The following CSPG4 variants were observed in gnomAD, a reference collection of about 807,000 sequenced individuals.
The protein encoded by CSPG4 is chondroitin sulfate proteoglycan 4 (melanoma-associated).
In CSPG4, 74 loss-of-function variants were observed where a neutral mutation model predicts 139.3. The observed-to-expected ratio is 0.53, with a 90% CI of 0.44 to 0.64. The LOEUF (loss-of-function observed/expected upper bound fraction) is 0.64, where lower values mean the gene tolerates loss of function less well. CSPG4 is among the 30% of genes least tolerant of loss of function. CSPG4 has a pLI of 0.00. For missense variants in CSPG4, 2,565 were observed against 3,148.3 expected (o/e 0.81, Z 4.43); for synonymous variants, 1,234 against 1,394.2 (o/e 0.89, Z 2.56).
chr15:75,684,713 G>T (rs532754801), intron 5 of CSPG4, 23 bp downstream of exon 5: 1 of 1,600,656 alleles, frequency 6.2e-7, no homozygotes, highest in East Asian at 2.2e-5. Flanking sequence ...CAGACATGGG[G>T]GTGTTCCCAG....
At chr15:75,695,406 G>A (rs778893220) in intron 1 of CSPG4, among the ~76,000 whole-genome samples, 4 of 152,178 alleles carry the variant, frequency 2.6e-5, no homozygotes, top group African/African-American at 4.8e-5. Flanking sequence ...GGGTCTGAAT[G>A]GGTCCATTGA....
chr15:75,703,682 A>G (rs1182018220), intron 1 of CSPG4, among the ~76,000 whole-genome samples: 1 of 144,460 alleles, frequency 6.9e-6, no homozygotes, highest in African/African-American at 2.6e-5. Flanking sequence ...CTGGCTTGTT[A>G]TGGAGTGAGT....
intron 9 of CSPG4, 71 bp from the exon 10 acceptor site, chr15:75,677,455 G>A (rs751160348): frequency 1.1e-4 from 147 of 1,376,812 alleles, no homozygotes; most frequent in Non-Finnish European, 1.4e-4. Flanking sequence ...AGCTGGGGGT[G>A]CCTCAGGGCA....
chr15:75,675,918 T>C lies in CSPG4; in HGVS notation c.6601A>G (p.Met2201Val), dbSNP rs1427946389. 2 of 1,601,106 alleles carry C rather than the reference T, an allele frequency of 1.2e-6. No individual in the cohort carries two copies. The highest frequency in any genetic ancestry group is 1.7e-4 in the Middle Eastern group (1 of 6,056). Residue 2201 changes from methionine (M) to valine (V), a missense_variant, in exon 10 of 10, where the codon ATG becomes GTG. Around this residue, in one of 5 missense-constraint regions of CSPG4, gnomAD observed 2,316 missense variants for 2,818.2 expected, o/e 0.82. Transcript: ENST00000308508. Reference protein sequence around the residue: ...SSTPTGEPGPMASSPEPAVAK... With the variant: ...SSTPTGEPGPVASSPEPAVAK... Reference sequence around the variant, plus strand: ...ACAGCGGGCTCAGGGCTGGATGCCATGGGGCCTGGCTCGCCTGTGGGGGTG... The same window carrying C: ...ACAGCGGGCTCAGGGCTGGATGCCACGGGGCCTGGCTCGCCTGTGGGGGTG...
At chr15:75,704,826 G>A (rs999664395) in intron 1 of CSPG4, among the ~76,000 whole-genome samples, 23 of 152,188 alleles carry the variant, frequency 1.5e-4, no homozygotes, top group African/African-American at 5.1e-4. Context: ...TCTGCTCCTC[G>A]TGATGCAGCC....
At chr15:75,681,265 A>G (rs1487380941) in intron 8 of CSPG4, among the ~76,000 whole-genome samples, 1 of 152,158 alleles carries the variant, frequency 6.6e-6, no homozygotes, top group African/African-American at 2.4e-5. Flanking sequence ...AATCTGAGCC[A>G]CTTGCTGGGC....
intron 8 of CSPG4, among the ~76,000 whole-genome samples, chr15:75,680,906 C>G (rs1442550346): frequency 6.6e-6 from 1 of 152,184 alleles, no homozygotes; most frequent in Non-Finnish European, 1.5e-5. Context: ...TCCCTGCTTT[C>G]CTGGGTGGCA....
At chr15:75,703,547 G>A (rs577591033) in intron 1 of CSPG4, among the ~76,000 whole-genome samples, 27 of 152,294 alleles carry the variant, frequency 1.8e-4, no homozygotes, top group South Asian at 6.2e-4. Flanking sequence ...CAGTCTCCAC[G>A]GGGAAGGCCC....
Position 75,690,477 on chromosome 15 carries a change from A to G in CSPG4, c.588T>C (p.Phe196=). 6.2e-7 allele frequency: 1 copy of G among 1,607,862 alleles called. No individual in the cohort carries two copies. The highest frequency in any genetic ancestry group is 8.5e-7 in the Non-Finnish European group (1 of 1,177,638). ...PDVHEGCAEE[F]SASDDVALGF... Reference sequence around the variant, plus strand: ...CCAGGGCCACATCATCACTGGCAGAAAACTCTTCAGCACAGCCCTCATGCA... The same window carrying G: ...CCAGGGCCACATCATCACTGGCAGAGAACTCTTCAGCACAGCCCTCATGCA... Residue 196 remains phenylalanine, a synonymous_variant, in exon 3 of 10, where the codon TTT becomes TTC. Transcript: ENST00000308508.
At chr15:75,710,688 C>T (rs935078801) in intron 1 of CSPG4, among the ~76,000 whole-genome samples, 5 of 152,060 alleles carry the variant, frequency 3.3e-5, no homozygotes, top group African/African-American at 7.2e-5. Flanking sequence ...TACGGGAGGA[C>T]GAGGGCCTTT....
At chr15:75,707,918 T>A (rs1473995971) in intron 1 of CSPG4, among the ~76,000 whole-genome samples, 1 of 151,996 alleles carries the variant, frequency 6.6e-6, no homozygotes. Flanking sequence ...CCCGGGGAGC[T>A]GCTGGTCCTG....
intron 1 of CSPG4, among the ~76,000 whole-genome samples, chr15:75,700,995 C>T (rs1035132767): frequency 1.2e-4 from 18 of 152,302 alleles, no homozygotes; most frequent in Admixed American, 1.0e-3. Flanking sequence ...CCCCAGCACA[C>T]ACACAGGGCT....
In CSPG4 at chr15:75,682,963, C is replaced by A; in HGVS notation, c.4528G>T (p.Val1510Phe). Residue 1510 changes from valine to phenylalanine, a missense_variant, in exon 6 of 10, where the codon GTC (valine) becomes TTC (phenylalanine). Transcript: ENST00000308508. ...TTGCTGGGCTGCTCGATGGTGTAGA[C>A]CAGATCCTCAGACCCAGAGTCGCCG... ...TDGDSGSEDL[V>F]YTIEQPSNGR... 6.2e-7 allele frequency: 1 copy of A among 1,611,588 alleles called. No homozygotes were observed. Among genetic ancestry groups the A allele is most frequent in the Non-Finnish European group, 8.5e-7 (1 of 1,179,696 alleles).
chr15:75,699,453 G>A (rs1051681325), intron 1 of CSPG4, among the ~76,000 whole-genome samples: 1 of 152,246 alleles, frequency 6.6e-6, no homozygotes, highest in Non-Finnish European at 1.5e-5. Flanking sequence ...CTAACCAAGC[G>A]CTTTGAGTCA....
upstream of CSPG4, chr15:75,712,891 GC>G: frequency 1.5e-6 from 1 of 669,964 alleles, no homozygotes. Flanking sequence ...CGGGGGCGGG[GC>G]AGGCGCAGAC....
intron 1 of CSPG4, among the ~76,000 whole-genome samples, chr15:75,706,906 T>C (rs1894380935): frequency 6.6e-6 from 1 of 152,060 alleles, no homozygotes; most frequent in Non-Finnish European, 1.5e-5. Context: ...CCAAAATTTT[T>C]TGAGTGCCAA....
chr15:75,697,070 G>GT (rs1437413316), intron 1 of CSPG4, among the ~76,000 whole-genome samples: 1 of 152,222 alleles, frequency 6.6e-6, no homozygotes, highest in Non-Finnish European at 1.5e-5. Context: ...CCCGGCCAGG[G>GT]CCCCACCTTC....
chr15:75,685,090 T>C (rs113157413), intron 4 of CSPG4, 129 bp downstream of exon 4: 411 of 1,318,886 alleles, frequency 3.1e-4, no homozygotes, highest in Middle Eastern at 2.0e-3. Flanking sequence ...ATTTAAAGCA[T>C]AGGTGCTTCT....
chr15:75,683,688 C>T (rs1894011739), intron 5 of CSPG4, among the ~76,000 whole-genome samples: 1 of 152,118 alleles, frequency 6.6e-6, no homozygotes, highest in African/African-American at 2.4e-5. Flanking sequence ...GGTGCCTGTT[C>T]CTGAGGTCCT....
Sources: allele counts gnomAD v4.1 joint callset (sites outside exome capture counted in the v4.1 genomes callset), GRCh38; gene constraint gnomAD v4.1.1; regional missense constraint gnomAD v4.1.1; transcripts MANE v1.5; gene names NCBI Gene and HGNC (gene_info 2026-07-23, HGNC 2026-07-21).